TEAD1: variants seen among roughly 807,000 people sequenced by gnomAD.
The protein encoded by TEAD1 is transcriptional enhancer factor TEF-1.
In TEAD1, 9 loss-of-function variants were observed where a neutral mutation model predicts 54.9. The observed-to-expected ratio is 0.16, with a 90% CI of 0.10 to 0.29. The LOEUF (loss-of-function observed/expected upper bound fraction) is 0.29. TEAD1 is among the 10% of genes least tolerant of loss of function. The pLI, the probability that TEAD1 is intolerant of heterozygous loss-of-function variation, is 1.00. For synonymous variants in TEAD1, 200 were observed against 187.8 expected, an observed-to-expected ratio of 1.07 and a Z score of -0.53; for missense variants, 387 against 535.9, an observed-to-expected ratio of 0.72 and a Z score of 2.74.
chr11:12,923,914 A>T (rs560592468), intron 10 of TEAD1, among the ~76,000 whole-genome samples: 1 of 152,214 alleles, frequency 6.6e-6, no homozygotes, highest in African/African-American at 2.4e-5. Flanking sequence ...GACCACTGCA[A>T]TGATCAAACG....
In TEAD1 at chr11:12,908,952, T is replaced by A. The variant is rs1948571596; in HGVS notation, c.873+6839T>A. On this transcript the variant is annotated intron_variant, in intron 10 of 12. Transcript: ENST00000527636. Reference sequence around the variant, plus strand: ...AGTGCAGTGGTGTGATTTACACACATGGTTATGTGTGTAAATAACCATGTT... The same window carrying A: ...AGTGCAGTGGTGTGATTTACACACAAGGTTATGTGTGTAAATAACCATGTT... Among the ~76,000 whole-genome samples the A allele has an allele frequency of 2.6e-5, 4 of 151,022 alleles. No homozygotes were observed. In the South Asian group the frequency reaches 8.4e-4, roughly 32 times the overall value.
intron 12 of TEAD1, among the ~76,000 whole-genome samples, chr11:12,935,585 G>C (rs1949085075): frequency 6.6e-6 from 1 of 151,796 alleles, no homozygotes; most frequent in Admixed American, 6.6e-5. Context: ...TCAGCCTCCT[G>C]AGTAGCTGGG....
chr11:12,815,812 C>T (rs936401004), intron 3 of TEAD1, among the ~76,000 whole-genome samples: 3 of 152,128 alleles, frequency 2.0e-5, no homozygotes, highest in Admixed American at 6.5e-5. Context: ...GAGCAGGTGT[C>T]GGCCACACCA....
intron 3 of TEAD1, among the ~76,000 whole-genome samples, chr11:12,834,497 G>A (rs1946843804): frequency 6.6e-6 from 1 of 152,186 alleles, no homozygotes; most frequent in African/African-American, 2.4e-5. Flanking sequence ...AATAATGACA[G>A]CCTCTGTTGA....
At chr11:12,678,980 A>G (rs1033499388) in intron 2 of TEAD1, among the ~76,000 whole-genome samples, 1 of 152,182 alleles carries the variant, frequency 6.6e-6, no homozygotes, top group African/African-American at 2.4e-5. Context: ...TTACAAGGGT[A>G]GGTTACTCTT....
chr11:12,886,059 G>A (rs1948081534), intron 9 of TEAD1, among the ~76,000 whole-genome samples: 1 of 152,220 alleles, frequency 6.6e-6, no homozygotes, highest in African/African-American at 2.4e-5. Flanking sequence ...AGGAAACAGG[G>A]CAAGCTTCCT....
intron 3 of TEAD1, among the ~76,000 whole-genome samples, chr11:12,831,696 T>TGGAGGC (rs1293412510): frequency 2.6e-5 from 4 of 151,944 alleles, no homozygotes; most frequent in African/African-American, 9.7e-5. Context: ...GGAGGATTAC[T>TGGAGGC]TGAGCCTGGG....
chr11:12,702,105 C>T (rs1049842783), intron 2 of TEAD1, among the ~76,000 whole-genome samples: 2 of 152,154 alleles, frequency 1.3e-5, no homozygotes, highest in Non-Finnish European at 2.9e-5. Flanking sequence ...TGTTACTTTT[C>T]TGTGTACTCC....
At chr11:12,918,998 G>T (rs1027131914) in intron 10 of TEAD1, among the ~76,000 whole-genome samples, 25 of 152,226 alleles carry the variant, frequency 1.6e-4, no homozygotes, top group Non-Finnish European at 2.6e-4. Context: ...TGGAAGGAAG[G>T]ATATTTGGGG....
intron 3 of TEAD1, among the ~76,000 whole-genome samples, chr11:12,839,479 A>G (rs1001446131): frequency 2.6e-5 from 4 of 152,210 alleles, no homozygotes; most frequent in Admixed American, 6.5e-5. Context: ...GAAATACTGC[A>G]TCCACTCTGT....
At chr11:12,780,053 A>G (rs1945511489) in intron 3 of TEAD1, among the ~76,000 whole-genome samples, 1 of 152,180 alleles carries the variant, frequency 6.6e-6, no homozygotes, top group Admixed American at 6.5e-5. Context: ...ATACTGGAGT[A>G]AGAGCAATTG....
chr11:12,932,194 C>A (rs1305850758), intron 12 of TEAD1, among the ~76,000 whole-genome samples: 1 of 152,116 alleles, frequency 6.6e-6, no homozygotes, highest in Non-Finnish European at 1.5e-5. Flanking sequence ...ATCAGTATTC[C>A]TTTCTTTAAT....
chr11:12,922,681 C>T (rs1411586375), intron 10 of TEAD1: 3 of 152,138 alleles, frequency 2.0e-5, no homozygotes, highest in Non-Finnish European at 4.4e-5. Flanking sequence ...GTAATCTCAG[C>T]ACTTAGAGTG....
At chr11:12,711,553 A>T (rs1943939898) in intron 2 of TEAD1, among the ~76,000 whole-genome samples, 1 of 152,164 alleles carries the variant, frequency 6.6e-6, no homozygotes, top group Non-Finnish European at 1.5e-5. Flanking sequence ...GACAAGGCCA[A>T]GTCCTCTCTT....
At chr11:12,908,381 C>T (rs1384069974) in intron 10 of TEAD1, among the ~76,000 whole-genome samples, 1 of 152,196 alleles carries the variant, frequency 6.6e-6, no homozygotes, top group African/African-American at 2.4e-5. Context: ...ATGGAAAGCC[C>T]AGGAAAGGCT....
chr11:12,886,934 C>CAG (rs1471621095), intron 9 of TEAD1, among the ~76,000 whole-genome samples: 1 of 152,114 alleles, frequency 6.6e-6, no homozygotes, highest in Non-Finnish European at 1.5e-5. Flanking sequence ...CATTACCAGC[C>CAG]AGAGCTCTGT....
At chr11:12,787,422 T>C (rs1158635913) in intron 3 of TEAD1, among the ~76,000 whole-genome samples, 4 of 152,154 alleles carry the variant, frequency 2.6e-5, no homozygotes, top group African/African-American at 9.7e-5. Flanking sequence ...TATTAAGCTT[T>C]GGAGAAAGAG....
At chr11:12,691,686 T>C (rs551416785) in intron 2 of TEAD1, among the ~76,000 whole-genome samples, 1 of 152,318 alleles carries the variant, frequency 6.6e-6, no homozygotes, top group Admixed American at 6.5e-5. Flanking sequence ...AAAGCTCATG[T>C]TAATGTAGGC....
rs1947516530 is a variant in TEAD1 at position 12,862,031 on chromosome 11, T to C, written c.203-219T>C. ...TAAAAAAAAGGATAAATTTCTATTC[T>C]TAGATGCTGGTCTAAGTTCAAATTT... On this transcript the variant is annotated intron_variant, in intron 3 of 12. Coordinates refer to ENST00000527636, the MANE Select transcript of TEAD1 (RefSeq NM_021961.6). Among the ~76,000 whole-genome samples, 3 of 151,800 alleles carry C rather than the reference T, an allele frequency of 2.0e-5. No individual in the cohort carries two copies. The South Asian group carries it at 6.2e-4, about 32-fold the overall frequency.
Sources: allele counts gnomAD v4.1 joint callset (sites outside exome capture counted in the v4.1 genomes callset), GRCh38; gene constraint gnomAD v4.1.1; transcripts MANE v1.5; gene names NCBI Gene and HGNC (gene_info 2026-07-23, HGNC 2026-07-21).